SDK1: variants seen among roughly 807,000 people sequenced by gnomAD.
The protein encoded by SDK1 is sidekick cell adhesion molecule 1.
SDK1 carries 157 observed loss-of-function variants against 245.5 expected under a neutral mutation model. That is an observed-to-expected ratio of 0.64 (90% confidence interval 0.56 to 0.73). SDK1 has a LOEUF of 0.73. SDK1 is among the 30% of genes least tolerant of loss of function. The pLI is 0.00. For missense variants in SDK1, 3,583 were observed against 3,002.3 expected (o/e 1.19, Z -4.52); for synonymous variants, 1,647 against 1,278.5 (o/e 1.29, Z -6.15).
At chr7:3,561,592 C>T (rs898543761) in intron 1 of SDK1, among the ~76,000 whole-genome samples, 1 of 152,158 alleles carries the variant, frequency 6.6e-6, no homozygotes. Context: ...ATTCCTGGCA[C>T]ATGGTAAATG....
At chr7:4,252,831 CCCT>C (rs201595899) in intron 44 of SDK1, among the ~76,000 whole-genome samples, 2,147 of 150,530 alleles carry the variant, frequency 0.014, 42 homozygotes, top group African/African-American at 0.049. Flanking sequence ...GTTTCCCCCC[CCCT>C]CTTTTTTTTT....
intron 1 of SDK1, among the ~76,000 whole-genome samples, chr7:3,614,826 T>C (rs895292436): frequency 6.9e-6 from 1 of 144,046 alleles, no homozygotes; most frequent in African/African-American, 2.4e-5. Context: ...TTATAATGAA[T>C]GTTAGTGTCT....
rs1584355701 is a variant in SDK1, at chr7:4,170,007, C to T, written c.4801-4215C>T. Among the ~76,000 whole-genome samples, 7 of 152,198 alleles carry T rather than the reference C, an allele frequency of 4.6e-5. No homozygotes were observed. The South Asian group carries it at 1.5e-3, about 32-fold the overall frequency. ...TCTCCTCTTTCTGAAATCCAGATGG[C>T]CTGCGGAGAATTGCCTCTCTTCAGT... On this transcript the variant is annotated intron_variant, in intron 32 of 44. Coordinates refer to ENST00000404826, the MANE Select transcript of SDK1 (RefSeq NM_152744.4).
chr7:3,567,775 G>C (rs1421373054), intron 1 of SDK1, among the ~76,000 whole-genome samples: 1 of 152,036 alleles, frequency 6.6e-6, no homozygotes, highest in Non-Finnish European at 1.5e-5. Flanking sequence ...ATTCTACATG[G>C]TTCTTTCTTT....
intron 5 of SDK1, among the ~76,000 whole-genome samples, chr7:3,877,962 G>T (rs75455964): frequency 0.011 from 1,659 of 152,288 alleles, 65 homozygotes; most frequent in Admixed American, 0.066. Flanking sequence ...GAGTACATTC[G>T]TTGAAGTAAA....
At chr7:3,383,604 G>A (rs1330347207) in intron 1 of SDK1, among the ~76,000 whole-genome samples, 1 of 152,108 alleles carries the variant, frequency 6.6e-6, no homozygotes, top group East Asian at 1.9e-4. Context: ...AAACTGGATG[G>A]TCTTGATATT....
chr7:4,199,703 C>A (rs1319049037), intron 35 of SDK1, among the ~76,000 whole-genome samples: 5 of 152,130 alleles, frequency 3.3e-5, no homozygotes, highest in African/African-American at 4.8e-5. Flanking sequence ...GAGAGTGTCC[C>A]CTGTCCCAGC....
At chr7:3,436,393 A>G (rs190015009) in intron 1 of SDK1, among the ~76,000 whole-genome samples, 5 of 152,294 alleles carry the variant, frequency 3.3e-5, no homozygotes, top group Admixed American at 1.3e-4. Flanking sequence ...ACCTAATTCA[A>G]TACATTTTAG....
chr7:3,466,979 TAC>T (rs11269597), intron 1 of SDK1, among the ~76,000 whole-genome samples: 15,090 of 127,200 alleles, frequency 0.12, 883 homozygotes, highest in Admixed American at 0.15. Flanking sequence ...TCTCTCTCTC[TAC>T]ACACACACAC....
intron 24 of SDK1, among the ~76,000 whole-genome samples, 153 bp downstream of exon 24, chr7:4,113,592 T>A (rs1342737180): frequency 6.6e-6 from 1 of 152,178 alleles, no homozygotes; most frequent in Non-Finnish European, 1.5e-5. Context: ...ATTTTACAAT[T>A]AGTGTTGGAT....
intron 1 of SDK1, among the ~76,000 whole-genome samples, chr7:3,449,989 T>A (rs989402436): frequency 6.6e-6 from 1 of 152,158 alleles, no homozygotes; most frequent in African/African-American, 2.4e-5. Context: ...TCGACGAGAC[T>A]TCATGGAAGT....
chr7:4,009,977 A>G (rs1209420705), intron 14 of SDK1, among the ~76,000 whole-genome samples: 1 of 152,186 alleles, frequency 6.6e-6, no homozygotes, highest in East Asian at 1.9e-4. Flanking sequence ...CGCAGCTGGT[A>G]CTGTCTGCAG....
intron 4 of SDK1, among the ~76,000 whole-genome samples, chr7:3,761,062 A>G (rs567087556): frequency 1.4e-4 from 21 of 152,342 alleles, no homozygotes; most frequent in Admixed American, 9.8e-4. Context: ...TTAGATACGT[A>G]GGAGTGGGTC....
intron 4 of SDK1, among the ~76,000 whole-genome samples, chr7:3,744,547 C>T (rs1401653980): frequency 6.6e-6 from 1 of 152,078 alleles, no homozygotes; most frequent in Non-Finnish European, 1.5e-5. Context: ...CATGGTGGCT[C>T]ACGCCTGTAA....
intron 17 of SDK1, among the ~76,000 whole-genome samples, chr7:4,034,854 C>T (rs967186586): frequency 1.3e-5 from 2 of 151,992 alleles, no homozygotes; most frequent in East Asian, 1.9e-4. Context: ...AGAAAGAGGA[C>T]GAATTCGAGA....
At chr7:3,723,923 C>A (rs576346738) in intron 4 of SDK1, among the ~76,000 whole-genome samples, 3 of 109,250 alleles carry the variant, frequency 2.7e-5, no homozygotes, top group Admixed American at 1.8e-4. Context: ...TATATATACA[C>A]GTATATATAT....
At chr7:3,356,242 G>T (rs1427151879) in intron 1 of SDK1, among the ~76,000 whole-genome samples, 2 of 152,038 alleles carry the variant, frequency 1.3e-5, no homozygotes, top group Non-Finnish European at 2.9e-5. Flanking sequence ...TTTTAGATTT[G>T]ACCTCTTTTT....
chr7:3,700,483 A>G (rs1562380739), intron 4 of SDK1, among the ~76,000 whole-genome samples: 1 of 152,218 alleles, frequency 6.6e-6, no homozygotes, highest in South Asian at 2.1e-4. Context: ...GTAAACGTTG[A>G]TACTAACACA....
intron 5 of SDK1, among the ~76,000 whole-genome samples, chr7:3,838,804 CTT>C (rs1780088255): frequency 1.3e-5 from 2 of 152,230 alleles, no homozygotes; most frequent in South Asian, 4.2e-4. Context: ...TGTTTGCACT[CTT>C]GTCTTTCTTA....
Sources: gnomAD v4.1 joint callset for allele counts (sites outside exome capture counted in the v4.1 genomes callset) on GRCh38, gnomAD v4.1.1 for gene constraint, MANE v1.5 for transcripts, NCBI Gene and HGNC (gene_info 2026-07-23, HGNC 2026-07-21) for gene names.